Variants in MAPRE2 observed in about 807,000 individuals in gnomAD.
The protein encoded by MAPRE2 is microtubule associated protein RP/EB family member 2.
In MAPRE2, 13 loss-of-function variants were observed where a neutral mutation model predicts 43.2. The observed-to-expected ratio is 0.30, with a 90% CI of 0.20 to 0.48. The LOEUF (loss-of-function observed/expected upper bound fraction) is 0.48. Ranked by LOEUF, MAPRE2 falls within the 20% of genes least tolerant of loss-of-function variation. The pLI is 0.99. For synonymous variants in MAPRE2, 135 were observed against 148.8 expected (o/e 0.91, Z 0.68); for missense variants, 161 against 400.2 (o/e 0.40, Z 5.10).
chr18:35,101,166 A>G (rs1908659781), intron 3 of MAPRE2, among the ~76,000 whole-genome samples: 1 of 152,244 alleles, frequency 6.6e-6, no homozygotes, highest in African/African-American at 2.4e-5. Context: ...CCTCTTGACA[A>G]CTAAGGATAT....
chr18:34,993,680 C>A (rs1431267676), intron 1 of MAPRE2, among the ~76,000 whole-genome samples: 1 of 152,124 alleles, frequency 6.6e-6, no homozygotes, highest in Non-Finnish European at 1.5e-5. Flanking sequence ...CTGTGATGAG[C>A]AAAGCCTTCT....
At chr18:35,000,237 G>A (rs1277406443) in intron 1 of MAPRE2, among the ~76,000 whole-genome samples, 2 of 152,118 alleles carry the variant, frequency 1.3e-5, no homozygotes, top group Non-Finnish European at 1.5e-5. Flanking sequence ...TTCTCTTCTT[G>A]GAAAAGCTGT....
In MAPRE2 at chr18:35,123,446, A is replaced by G. The variant is rs767112559; in HGVS notation, c.611-3502A>G. Among the ~76,000 whole-genome samples the G allele has an allele frequency of 1.4e-4, 21 of 152,138 alleles. 1 individual carries two copies. Among genetic ancestry groups the G allele is most frequent in the Non-Finnish European group, 1.5e-5 (1 of 68,004 alleles). On this transcript the variant is annotated intron_variant, in intron 4 of 6. Coordinates refer to ENST00000300249, the MANE Select transcript of MAPRE2 (RefSeq NM_014268.4). ...GTGGGTGGGTCGTCACATGCTATCT[A>G]GGGAAGCCCCCTCTGCAAGGCTGTG...
chr18:35,026,655 G>A (rs944973531), intron 2 of MAPRE2, among the ~76,000 whole-genome samples: 1 of 152,278 alleles, frequency 6.6e-6, no homozygotes, highest in East Asian at 1.9e-4. Context: ...TGCTAGCTCT[G>A]TGGAAAAACT....
At chr18:35,095,775 C>G (rs538262671) in intron 2 of MAPRE2, among the ~76,000 whole-genome samples, 41 of 152,086 alleles carry the variant, frequency 2.7e-4, no homozygotes, top group Admixed American at 1.1e-3. Flanking sequence ...AAAGAAAGAA[C>G]TGGATAGTGG....
At chr18:34,993,442 G>T (rs1268086627) in intron 1 of MAPRE2, among the ~76,000 whole-genome samples, 2 of 151,944 alleles carry the variant, frequency 1.3e-5, no homozygotes, top group Non-Finnish European at 2.9e-5. Flanking sequence ...ACTAGATCAT[G>T]CAAGAACAAG....
At chr18:35,133,795 T>C (rs1209193759) in intron 6 of MAPRE2, among the ~76,000 whole-genome samples, 1 of 152,112 alleles carries the variant, frequency 6.6e-6, no homozygotes, top group African/African-American at 2.4e-5. Flanking sequence ...CTAAGATAGG[T>C]GGACAGCCTC....
intron 1 of MAPRE2, among the ~76,000 whole-genome samples, chr18:35,054,177 CA>C (rs972054531): frequency 4.6e-5 from 7 of 152,170 alleles, no homozygotes; most frequent in African/African-American, 1.7e-4. Flanking sequence ...GAAATTGTCT[CA>C]AGTAAAATTT....
At chr18:35,058,216 T>G (rs1266077238) in intron 1 of MAPRE2, among the ~76,000 whole-genome samples, 2 of 152,212 alleles carry the variant, frequency 1.3e-5, no homozygotes, top group Non-Finnish European at 2.9e-5. Flanking sequence ...GGAGTCAGAT[T>G]CACTGGAATA....
intron 2 of MAPRE2, among the ~76,000 whole-genome samples, chr18:35,030,255 T>G (rs1405014380): frequency 6.6e-6 from 1 of 152,186 alleles, no homozygotes; most frequent in African/African-American, 2.4e-5. Flanking sequence ...TCTCTCTGTC[T>G]CTCAGCCCTT....
At chr18:35,047,752 A>T (rs931123990) in intron 1 of MAPRE2, among the ~76,000 whole-genome samples, 3 of 151,756 alleles carry the variant, frequency 2.0e-5, no homozygotes, top group Non-Finnish European at 4.4e-5. Flanking sequence ...TTCAGTGTCA[A>T]ATCTCCCCAA....
chr18:35,142,256 A>C lies in MAPRE2; in HGVS notation c.*1887A>C, dbSNP rs138437807. 3.3e-4 allele frequency: 50 copies of C among 152,418 alleles called. No homozygotes were observed. Among genetic ancestry groups the C allele is most frequent in the African/African-American group, 1.2e-3 (50 of 41,590 alleles). 9.4% of individuals were successfully genotyped at this position (152,418 alleles called of 1,614,324 possible). On this transcript the variant is annotated 3_prime_UTR_variant, in exon 7 of 7. Transcript: ENST00000300249. Reference sequence around the variant, plus strand: ...TGTACTCACTGATCTCTTTAAAAACAAAAAATAGCTCTTGTAAAAGGTCAC... The same window carrying C: ...TGTACTCACTGATCTCTTTAAAAACCAAAAATAGCTCTTGTAAAAGGTCAC...
At chr18:35,139,542 CCTAT>C (rs1325346009) in intron 6 of MAPRE2, among the ~76,000 whole-genome samples, 20 of 152,164 alleles carry the variant, frequency 1.3e-4, no homozygotes, top group African/African-American at 4.8e-4. Context: ...GAACAATTCA[CCTAT>C]CTGATTCTCA....
At chr18:35,099,354 C>A (rs1908570133) in intron 3 of MAPRE2, among the ~76,000 whole-genome samples, 1 of 152,178 alleles carries the variant, frequency 6.6e-6, no homozygotes, top group African/African-American at 2.4e-5. Context: ...GTGGCTCACA[C>A]CTGTAATCCC....
intron 2 of MAPRE2, among the ~76,000 whole-genome samples, chr18:35,030,804 T>C (rs1452485902): frequency 6.6e-6 from 1 of 152,110 alleles, no homozygotes; most frequent in African/African-American, 2.4e-5. Flanking sequence ...CTTCTACAGT[T>C]ATCTCTCCCA....
In MAPRE2 at chr18:35,100,576, A is replaced by T. The variant is rs61537412; in HGVS notation, c.397-1370A>T. ...ATGGAATCAACCTAAATGCCCATCA[A>T]TGACAAATTGGATAAAGAAAATGTG... On this transcript the variant is annotated intron_variant, in intron 3 of 6. Coordinates refer to ENST00000300249, the MANE Select transcript of MAPRE2 (RefSeq NM_014268.4). Among the ~76,000 whole-genome samples, 522 of 152,340 alleles carry T rather than the reference A, an allele frequency of 3.4e-3. 22 individuals are homozygous for T. In the East Asian group the frequency reaches 0.09, roughly 26 times the overall value.
intron 2 of MAPRE2, among the ~76,000 whole-genome samples, chr18:35,023,062 T>C (rs184950462): frequency 6.6e-6 from 1 of 152,304 alleles, no homozygotes; most frequent in East Asian, 1.9e-4. Context: ...GTGACACTCA[T>C]AAGCTCAGAA....
chr18:35,136,381 A>G (rs559889772), intron 6 of MAPRE2, among the ~76,000 whole-genome samples: 6 of 152,252 alleles, frequency 3.9e-5, no homozygotes, highest in Admixed American at 1.3e-4. Flanking sequence ...AAAAAGACCC[A>G]ACCCTACCTC....
chr18:34,981,240 G>A (rs1437774731), intron 1 of MAPRE2, among the ~76,000 whole-genome samples: 1 of 151,988 alleles, frequency 6.6e-6, no homozygotes, highest in Non-Finnish European at 1.5e-5. Flanking sequence ...CAGCCAAGGT[G>A]GCACACACCT....
Sources: allele counts gnomAD v4.1 joint callset (sites outside exome capture counted in the v4.1 genomes callset), GRCh38; gene constraint gnomAD v4.1.1; transcripts MANE v1.5; gene names NCBI Gene and HGNC (gene_info 2026-07-23, HGNC 2026-07-21).